Variants in ELP4 observed in about 807,000 individuals in gnomAD.
The protein encoded by ELP4 is elongator acetyltransferase complex subunit 4.
In ELP4, 51 loss-of-function variants were observed where a neutral mutation model predicts 48.9. That is an observed-to-expected ratio of 1.04 (90% CI 0.83 to 1.32). The LOEUF is 1.32. Among genes scored for constraint, ELP4 ranks in the 40% most tolerant of loss-of-function variants. ELP4 has a pLI of 0.00. For missense variants in ELP4, 519 were observed against 514.6 expected, an observed-to-expected ratio of 1.01 and a Z score of -0.08; for synonymous variants, 210 against 189.2, an observed-to-expected ratio of 1.11 and a Z score of -0.90.
In ELP4 at chr11:31,785,219, T is replaced by C. The variant is rs1285588246; in HGVS notation, c.*1695T>C. The C allele has an allele frequency of 3.3e-5, 6 of 183,264 alleles. No individual in the cohort carries two copies. Among genetic ancestry groups the C allele is most frequent in the Admixed American group, 1.3e-4 (2 of 15,998 alleles). 11.4% of individuals were successfully genotyped at this position (183,264 alleles called of 1,614,324 possible). On this transcript the variant is annotated 3_prime_UTR_variant, in exon 10 of 10. Transcript: ENST00000640961. ...TCTGCTATGTCCTTTGAAAGCATTATGAACATTCTGAATAAATTCAAATGA... is the reference window on the plus strand; with the variant it reads ...TCTGCTATGTCCTTTGAAAGCATTACGAACATTCTGAATAAATTCAAATGA...
At chr11:31,662,307 A>G (rs138055572) in intron 9 of ELP4, among the ~76,000 whole-genome samples, 38 of 152,252 alleles carry the variant, frequency 2.5e-4, no homozygotes, top group African/African-American at 8.4e-4. Flanking sequence ...TCACATTCCA[A>G]TCATTTCATT....
chr11:31,543,447 G>A (rs554707007), intron 3 of ELP4, among the ~76,000 whole-genome samples: 68 of 152,214 alleles, frequency 4.5e-4, no homozygotes, highest in Admixed American at 1.7e-3. Flanking sequence ...AGCCTCCCAA[G>A]TAGCGGGGAC....
intron 9 of ELP4, among the ~76,000 whole-genome samples, chr11:31,735,890 G>A (rs1299152613): frequency 6.6e-6 from 1 of 152,074 alleles, no homozygotes; most frequent in Non-Finnish European, 1.5e-5. Context: ...CGTGAAAATG[G>A]CCATACTTCC....
intron 3 of ELP4, among the ~76,000 whole-genome samples, chr11:31,552,590 T>C (rs531556565): frequency 1.3e-5 from 2 of 152,248 alleles, no homozygotes; most frequent in Admixed American, 1.3e-4. Flanking sequence ...TCCTTAACCC[T>C]TTATCTCCTA....
chr11:31,656,539 T>A (rs1945437913), intron 9 of ELP4, among the ~76,000 whole-genome samples: 1 of 152,060 alleles, frequency 6.6e-6, no homozygotes, highest in Non-Finnish European at 1.5e-5. Flanking sequence ...TATATAAAAA[T>A]CTTCATTTTA....
At chr11:31,559,242 A>AG (rs1461249487) in intron 3 of ELP4, among the ~76,000 whole-genome samples, 1 of 152,178 alleles carries the variant, frequency 6.6e-6, no homozygotes, top group African/African-American at 2.4e-5. Context: ...TTCAGTGGCT[A>AG]GTGTTTCTTT....
At chr11:31,527,972 C>G (rs1442487067) in intron 2 of ELP4, among the ~76,000 whole-genome samples, 2 of 152,040 alleles carry the variant, frequency 1.3e-5, no homozygotes, top group Non-Finnish European at 2.9e-5. Flanking sequence ...TCTCTCCTGT[C>G]TCTAGACCTT....
chr11:31,738,368 C>T (rs143497685), intron 9 of ELP4, among the ~76,000 whole-genome samples: 348 of 151,580 alleles, frequency 2.3e-3, no homozygotes, highest in Non-Finnish European at 3.6e-3. Context: ...GCTGTGATTA[C>T]ACCACTGTAC....
intron 3 of ELP4, among the ~76,000 whole-genome samples, chr11:31,551,507 G>T (rs555570981): frequency 1.3e-5 from 2 of 152,098 alleles, no homozygotes; most frequent in Admixed American, 1.3e-4. Flanking sequence ...ACAGCTAACT[G>T]TGCTTCTTAG....
chr11:31,565,998 A>C (rs536112842), intron 3 of ELP4, among the ~76,000 whole-genome samples: 5 of 152,050 alleles, frequency 3.3e-5, no homozygotes, highest in South Asian at 2.1e-4. Flanking sequence ...ATTCTTCCTA[A>C]CCATGAGCAT....
intron 1 of ELP4, among the ~76,000 whole-genome samples, chr11:31,517,806 G>A (rs1417445883): frequency 1.3e-5 from 2 of 151,610 alleles, no homozygotes; most frequent in Non-Finnish European, 2.9e-5. Context: ...TTTTAGTAGA[G>A]ACTGGATTTC....
At chr11:31,536,972 T>C (rs1467808282) in intron 2 of ELP4, among the ~76,000 whole-genome samples, 1 of 152,246 alleles carries the variant, frequency 6.6e-6, no homozygotes, top group African/African-American at 2.4e-5. Context: ...CAAAGGTAAA[T>C]TGTAAACATT....
intron 9 of ELP4, among the ~76,000 whole-genome samples, chr11:31,700,972 T>A (rs902599924): frequency 8.5e-5 from 13 of 152,136 alleles, no homozygotes; most frequent in African/African-American, 2.9e-4. Flanking sequence ...AATTCTCTTA[T>A]CCTGTAAGAT....
chr11:31,585,436 A>ATT (rs1957456215), intron 3 of ELP4, among the ~76,000 whole-genome samples: 1 of 135,190 alleles, frequency 7.4e-6, no homozygotes, highest in South Asian at 2.3e-4. Flanking sequence ...GGGTATTATT[A>ATT]AAAAAAAAAA....
At chr11:31,536,280 A>C (rs1194003890) in intron 2 of ELP4, among the ~76,000 whole-genome samples, 1 of 152,096 alleles carries the variant, frequency 6.6e-6, no homozygotes, top group Non-Finnish European at 1.5e-5. Flanking sequence ...AGTACCCAAG[A>C]GTAGAATTCC....
intron 9 of ELP4, chr11:31,650,556 G>C (rs1945298638): frequency 5.1e-6 from 1 of 194,602 alleles, no homozygotes; most frequent in African/African-American, 2.3e-5. Flanking sequence ...TTACTTGGGT[G>C]TGGAATGTGA....
intron 7 of ELP4, among the ~76,000 whole-genome samples, chr11:31,644,106 G>A (rs1945153815): frequency 6.6e-6 from 1 of 151,640 alleles, no homozygotes; most frequent in South Asian, 2.1e-4. Flanking sequence ...CTCTCACCCA[G>A]GAGCGCAGGG....
chr11:31,755,730 C>CAAA (rs58181247), intron 9 of ELP4, among the ~76,000 whole-genome samples: 3 of 99,250 alleles, frequency 3.0e-5, no homozygotes, highest in African/African-American at 6.6e-5. Flanking sequence ...CCTGGAATTA[C>CAAA]AAAAAAAAAA....
chr11:31,591,825 C>G (rs188136473), intron 3 of ELP4, among the ~76,000 whole-genome samples: 1 of 152,220 alleles, frequency 6.6e-6, no homozygotes. Flanking sequence ...AGCAGCATTA[C>G]TCATAATAAC....
Sources: allele counts gnomAD v4.1 joint callset (sites outside exome capture counted in the v4.1 genomes callset), GRCh38; gene constraint gnomAD v4.1.1; transcripts MANE v1.5; gene names NCBI Gene and HGNC (gene_info 2026-07-23, HGNC 2026-07-21).